Variants in TENM3 observed in about 807,000 individuals in gnomAD.
TENM3 encodes the protein teneurin-3.
A neutral mutation model predicts 255.1 loss-of-function variants in TENM3; 63 were observed. The observed-to-expected ratio is 0.25, with a 90% CI of 0.20 to 0.30. The LOEUF is 0.30. TENM3 is among the 10% of genes least tolerant of loss of function. The probability of loss-of-function intolerance (pLI) is 1.00; values close to 1 mark genes in which losing one functional copy is unlikely to be tolerated. For synonymous variants in TENM3, 1,306 were observed against 1,322.3 expected (o/e 0.99, Z 0.27); for missense variants, 2,929 against 3,461.1 (o/e 0.85, Z 3.86).
chr4:182,667,205 TTTTGA>T (rs1044312500), intron 6 of TENM3, among the ~76,000 whole-genome samples: 1 of 143,818 alleles, frequency 7.0e-6, no homozygotes, highest in African/African-American at 2.6e-5. Context: ...TTTTGTTTTG[TTTTGA>T]GATGGAGTCT....
At chr4:182,071,285 A>C in the TENM3 span, among the ~76,000 whole-genome samples, 3 of 152,174 alleles carry the variant, frequency 2.0e-5, no homozygotes, top group Non-Finnish European at 4.4e-5. Flanking sequence ...GGCTTGAGAC[A>C]TCTCCAAATG....
At chr4:182,753,386 C>G in intron 20 of TENM3, 64 bp from the exon 21 acceptor site, 1 of 1,401,722 alleles carries the variant, frequency 7.1e-7, no homozygotes, top group Non-Finnish European at 1.0e-6. Flanking sequence ...AATAATGGGC[C>G]TAATAGTTAA....
At chr4:181,696,034 A>G in the TENM3 span, among the ~76,000 whole-genome samples, 3 of 152,102 alleles carry the variant, frequency 2.0e-5, no homozygotes, top group African/African-American at 7.2e-5. Flanking sequence ...AAGTAAAGTC[A>G]TGTGTAAATG....
Position 182,774,905 on chromosome 4 carries a change from T to G in TENM3, c.5069-13T>G, listed in dbSNP as rs1285787486. The G allele has an allele frequency of 3.8e-6, 6 of 1,582,652 alleles. No homozygotes were observed. In the Admixed American group the frequency reaches 5.1e-5, roughly 13 times the overall value. ...TATCTAATAGTTCATGTTTTGTGCT[T>G]CTTGTTCTTTAGATCAGTTAAGAAA... On this transcript the variant is annotated splice_polypyrimidine_tract_variant and intron_variant, in intron 23 of 27. Transcript: ENST00000511685.
chr4:182,653,781 C>T lies in TENM3; in HGVS notation c.999C>T (p.Leu333=), dbSNP rs1289431044. Reference sequence around the variant, plus strand: ...GTTCTTTACCCCCAGCAATGCATCTCTTTGGCCTCAACTGGCAGCTACAGC... The same window carrying T: ...GTTCTTTACCCCCAGCAATGCATCTTTTTGGCCTCAACTGGCAGCTACAGC... ...ILLSYFIAMH[L]FGLNWQLQQT... The change falls in exon 6 of 28, where the codon CTC becomes CTT. Residue 333 remains leucine, a synonymous_variant. Transcript: ENST00000511685. The T allele has an allele frequency of 1.2e-6, 2 of 1,610,968 alleles. No individual in the cohort carries two copies. Among genetic ancestry groups the T allele is most frequent in the Non-Finnish European group, 1.7e-6 (2 of 1,178,584 alleles).
chr4:182,555,988 A>T (rs1742544946), intron 3 of TENM3, among the ~76,000 whole-genome samples: 1 of 152,144 alleles, frequency 6.6e-6, no homozygotes, highest in Non-Finnish European at 1.5e-5. Flanking sequence ...AGGAAGTAAT[A>T]TTAGTACTTT....
At chr4:181,753,179 C>G in the TENM3 span, among the ~76,000 whole-genome samples, 1 of 152,162 alleles carries the variant, frequency 6.6e-6, no homozygotes, top group Non-Finnish European at 1.5e-5. Context: ...ACACCTGAAG[C>G]TAATCAGATC....
chr4:182,583,773 G>A (rs77462522), intron 3 of TENM3, among the ~76,000 whole-genome samples: 1,738 of 151,936 alleles, frequency 0.011, 31 homozygotes, highest in African/African-American at 0.04. Flanking sequence ...ATACATTTTG[G>A]CAATACAAAC....
chr4:181,730,762 A>T, the TENM3 span, among the ~76,000 whole-genome samples: 1 of 152,168 alleles, frequency 6.6e-6, no homozygotes, highest in African/African-American at 2.4e-5. Context: ...TACATTTTTA[A>T]CGAGTTTCTA....
chr4:182,753,226 G>A (rs1269633566), intron 20 of TENM3, among the ~76,000 whole-genome samples: 2 of 152,156 alleles, frequency 1.3e-5, no homozygotes, highest in Admixed American at 6.5e-5. Context: ...AGGATTGCAG[G>A]CGTGAGCCAC....
intron 3 of TENM3, among the ~76,000 whole-genome samples, chr4:182,476,722 C>T (rs950042795): frequency 6.6e-6 from 1 of 152,160 alleles, no homozygotes; most frequent in African/African-American, 2.4e-5. Context: ...AACAATACTT[C>T]CACGGATAAA....
At chr4:182,000,275 G>A in the TENM3 span, among the ~76,000 whole-genome samples, 564 of 152,178 alleles carry the variant, frequency 3.7e-3, 29 homozygotes, top group East Asian at 0.094. Flanking sequence ...TCATTGAAAT[G>A]ATGAAATAGC....
chr4:181,959,097 C>G, the TENM3 span, among the ~76,000 whole-genome samples: 1 of 152,090 alleles, frequency 6.6e-6, no homozygotes, highest in Admixed American at 6.6e-5. Context: ...GTTTCAGAAT[C>G]AAGTATTAAA....
At chr4:182,713,115 T>G (rs1280514038) in intron 12 of TENM3, among the ~76,000 whole-genome samples, 1 of 152,222 alleles carries the variant, frequency 6.6e-6, no homozygotes, top group Non-Finnish European at 1.5e-5. Context: ...ATATATTAAA[T>G]TATTTTAATT....
the TENM3 span, among the ~76,000 whole-genome samples, chr4:181,854,752 T>A: frequency 6.6e-6 from 1 of 152,228 alleles, no homozygotes; most frequent in Non-Finnish European, 1.5e-5. Context: ...GTAATATTTT[T>A]CTACTTTTTA....
At chr4:182,087,645 G>A in the TENM3 span, among the ~76,000 whole-genome samples, 13 of 145,360 alleles carry the variant, frequency 8.9e-5, no homozygotes, top group South Asian at 1.7e-3. Context: ...AAATCCATTA[G>A]TATAGATGGA....
intron 1 of TENM3, among the ~76,000 whole-genome samples, chr4:182,307,251 G>A (rs1211512003): frequency 6.6e-6 from 1 of 152,222 alleles, no homozygotes; most frequent in Non-Finnish European, 1.5e-5. Flanking sequence ...GTGACCCACA[G>A]GAAATTGGTT....
intron 1 of TENM3, among the ~76,000 whole-genome samples, chr4:182,195,968 C>G (rs939789249): frequency 6.6e-6 from 1 of 152,124 alleles, no homozygotes; most frequent in African/African-American, 2.4e-5. Context: ...AAATCAATAA[C>G]CCTTCTGGCA....
At chr4:181,497,221 A>G in the TENM3 span, among the ~76,000 whole-genome samples, 6 of 152,154 alleles carry the variant, frequency 3.9e-5, no homozygotes, top group Admixed American at 6.6e-5. Context: ...ACATAGACAC[A>G]TATGTTCATT....
Sources: gnomAD v4.1 joint callset for allele counts (sites outside exome capture counted in the v4.1 genomes callset) on GRCh38, gnomAD v4.1.1 for gene constraint, MANE v1.5 for transcripts, NCBI Gene and HGNC (gene_info 2026-07-23, HGNC 2026-07-21) for gene names.